The following PTCHD4 variants were observed in gnomAD, a reference collection of about 807,000 sequenced individuals.
The protein encoded by PTCHD4 is patched domain-containing protein 4.
In PTCHD4, 33 loss-of-function variants were observed where a neutral mutation model predicts 58.1. The observed-to-expected ratio is 0.57, with a 90% CI of 0.43 to 0.76. The LOEUF is 0.76. Ranked by LOEUF, PTCHD4 falls within the 30% of genes least tolerant of loss-of-function variation. The pLI is 0.00. For missense variants in PTCHD4, 1,058 were observed against 1,027.1 expected, an observed-to-expected ratio of 1.03 and a Z score of -0.41; for synonymous variants, 478 against 409.6, an observed-to-expected ratio of 1.17 and a Z score of -2.02.
intron 1 of PTCHD4, among the ~76,000 whole-genome samples, chr6:48,108,597 TATA>T (rs1765797223): frequency 6.6e-6 from 1 of 151,646 alleles, no homozygotes. Context: ...AAATTTAAAG[TATA>T]ATAATAATAA....
At chr6:47,967,440 G>A (rs1456313424) in intron 4 of PTCHD4, among the ~76,000 whole-genome samples, 1 of 152,142 alleles carries the variant, frequency 6.6e-6, no homozygotes, top group Non-Finnish European at 1.5e-5. Context: ...AATAATCAAT[G>A]AGCATTGGCT....
At chr6:48,002,544 G>A (rs376617617) in intron 4 of PTCHD4, among the ~76,000 whole-genome samples, 1 of 151,520 alleles carries the variant, frequency 6.6e-6, no homozygotes, top group South Asian at 2.1e-4. Flanking sequence ...TCACTCATAG[G>A]TGGGAATTGA....
intron 3 of PTCHD4, among the ~76,000 whole-genome samples, chr6:48,060,427 C>T (rs1764579551): frequency 1.3e-5 from 2 of 152,182 alleles, no homozygotes; most frequent in African/African-American, 2.4e-5. Flanking sequence ...GAGCCCTTTA[C>T]ATACCTTTTT....
At chr6:48,036,526 C>T (rs1227885958) in intron 3 of PTCHD4, among the ~76,000 whole-genome samples, 4 of 152,128 alleles carry the variant, frequency 2.6e-5, no homozygotes, top group African/African-American at 9.7e-5. Context: ...CTCCCTTTGT[C>T]CAGAGAAACC....
chr6:48,004,922 A>G (rs985967592), intron 4 of PTCHD4, among the ~76,000 whole-genome samples: 1 of 133,274 alleles, frequency 7.5e-6, no homozygotes, highest in Non-Finnish European at 1.6e-5. Context: ...ATCTCAAAAG[A>G]AAAAAAAAAT....
rs1763323291 is a variant in PTCHD4, at chr6:47,856,980, G to T, written c.*21323C>A. ...TAATAATTGGTAATGAATCAAAACT[G>T]CCAAAAGCTGAAGCATGACAACATT... On this transcript the variant is annotated 3_prime_UTR_variant, in exon 5 of 5. Transcript: ENST00000339488. 6.6e-6 allele frequency among the ~76,000 whole-genome samples: 1 copy of T among 152,002 alleles called. No homozygotes were observed. Among genetic ancestry groups the T allele is most frequent in the African/African-American group, 2.4e-5 (1 of 41,418 alleles).
At chr6:47,948,398 TA>T (rs943759043) in intron 4 of PTCHD4, among the ~76,000 whole-genome samples, 2 of 152,178 alleles carry the variant, frequency 1.3e-5, no homozygotes, top group Non-Finnish European at 2.9e-5. Flanking sequence ...TCTGTTGTTT[TA>T]AAACAAGTTG....
chr6:48,068,423 T>C lies in PTCHD4; in HGVS notation c.224A>G (p.His75Arg). ...GDLERLVAPS[H>R]SLAKIERSLA... is the part of the protein sequence containing the mutation. ...GCTGCGCTCGATCTTGGCCAGGCTG[T>C]GGCTGGGAGCGACCAGGCGCTCCAG... Residue 75 changes from histidine to arginine, a missense_variant, in exon 3 of 5, where the codon CAC becomes CGC. His to Arg is a conservative substitution (Grantham distance 29). Transcript: ENST00000339488. The surrounding 1 kb of genome is among the most constrained non-coding windows in gnomAD (Gnocchi z 4.2). 6.2e-7 allele frequency: 1 copy of C among 1,613,940 alleles called. No homozygotes were observed. The highest frequency in any genetic ancestry group is 8.5e-7 in the Non-Finnish European group (1 of 1,179,872).
At chr6:47,925,241 C>T (rs1371082927) in intron 4 of PTCHD4, among the ~76,000 whole-genome samples, 1 of 151,154 alleles carries the variant, frequency 6.6e-6, no homozygotes, top group South Asian at 2.1e-4. Flanking sequence ...TGGTTGTCTC[C>T]TCCTCCAGCA....
chr6:48,100,392 C>A (rs1257121555), intron 1 of PTCHD4, among the ~76,000 whole-genome samples: 1 of 152,118 alleles, frequency 6.6e-6, no homozygotes, highest in East Asian at 1.9e-4. Context: ...AATATAATTC[C>A]TTCCCTTATT....
chr6:48,089,050 A>G (rs2113900466), intron 1 of PTCHD4, among the ~76,000 whole-genome samples: 1 of 152,224 alleles, frequency 6.6e-6, no homozygotes, highest in South Asian at 2.1e-4. Context: ...CCATCTCAAA[A>G]CAAATAAATA....
rs763651328 is a variant in PTCHD4, at chr6:47,862,267, G to A, written c.*16036C>T. On this transcript the variant is annotated 3_prime_UTR_variant, in exon 5 of 5. Coordinates refer to ENST00000339488, the MANE Select transcript of PTCHD4 (RefSeq NM_001384253.1). ...TTTTTTTTAATATCTTGGGTCTGGC[G>A]TATATCATAGTTTAGTAGCTGTGCT... is the stretch of plus-strand genomic sequence containing the variant. 7.9e-5 allele frequency among the ~76,000 whole-genome samples: 12 copies of A among 151,184 alleles called. 1 individual carries two copies. Among genetic ancestry groups the A allele is most frequent in the South Asian group, 2.1e-4 (1 of 4,810 alleles).
At chr6:47,914,745 TATC>T (rs1765185631) in intron 4 of PTCHD4, among the ~76,000 whole-genome samples, 1 of 58,404 alleles carries the variant, frequency 1.7e-5, no homozygotes, top group East Asian at 4.6e-4. Flanking sequence ...ATCTATCTAT[TATC>T]TATCTATCTA....
intron 1 of PTCHD4, among the ~76,000 whole-genome samples, chr6:48,082,920 A>G (rs1401378095): frequency 6.6e-6 from 1 of 151,872 alleles, no homozygotes; most frequent in Non-Finnish European, 1.5e-5. Context: ...TTATTGGTAC[A>G]TGTTTGGCTT....
chr6:48,069,625 T>C lies in PTCHD4; in HGVS notation c.-668A>G, dbSNP rs1764935172. ...CGTCTGGATAGCTTCTTTCCTCTGA[T>C]GGCTGGAGAGGAGGCATTTGCCAAT... On this transcript the variant is annotated 5_prime_UTR_variant, in exon 2 of 5. Transcript: ENST00000339488. Among the ~76,000 whole-genome samples, 1 of 152,116 alleles carries C rather than the reference T, an allele frequency of 6.6e-6. No individual in the cohort carries two copies. The highest frequency in any genetic ancestry group is 2.4e-5 in the African/African-American group (1 of 41,414).
intron 4 of PTCHD4, among the ~76,000 whole-genome samples, chr6:47,923,455 A>T (rs956504990): frequency 3.3e-5 from 5 of 152,198 alleles, no homozygotes; most frequent in African/African-American, 1.2e-4. Flanking sequence ...GAGTCCTTAC[A>T]TATAAAAAGA....
intron 3 of PTCHD4, among the ~76,000 whole-genome samples, chr6:48,065,959 G>C (rs941555403): frequency 6.6e-6 from 1 of 152,134 alleles, no homozygotes; most frequent in Non-Finnish European, 1.5e-5. Context: ...CTTCTACTAA[G>C]ATGTATATCA....
At chr6:48,082,513 C>G (rs17718287) in intron 1 of PTCHD4, among the ~76,000 whole-genome samples, 26,220 of 152,076 alleles carry the variant, frequency 0.17, 2,512 homozygotes, top group African/African-American at 0.24. Flanking sequence ...ATACTTTTGT[C>G]AAAATAATTC....
chr6:48,090,237 A>G (rs1307892773), intron 1 of PTCHD4, among the ~76,000 whole-genome samples: 1 of 152,216 alleles, frequency 6.6e-6, no homozygotes, highest in Non-Finnish European at 1.5e-5. Context: ...GCATGCAATT[A>G]TTATAGTCAC....
Sources: gnomAD v4.1 joint callset for allele counts (sites outside exome capture counted in the v4.1 genomes callset) on GRCh38, gnomAD v4.1.1 for gene constraint, Gnocchi (gnomAD v3.1) non-coding constraint, MANE v1.5 for transcripts, NCBI Gene and HGNC (gene_info 2026-07-23, HGNC 2026-07-21) for gene names.